Variants in FSD1L observed in about 807,000 individuals in gnomAD.
FSD1L encodes fibronectin type III and SPRY domain containing 1 like, also known as FSD1-like protein.
In FSD1L, 45 loss-of-function variants were observed where a neutral mutation model predicts 71.6. The observed-to-expected ratio is 0.63, with a 90% CI of 0.49 to 0.81. The LOEUF is 0.81. Ranked by LOEUF, FSD1L falls within the 30% of genes least tolerant of loss-of-function variation. The pLI, the probability that FSD1L is intolerant of heterozygous loss-of-function variation, is 0.00. For synonymous variants in FSD1L, 197 were observed against 207.2 expected, an observed-to-expected ratio of 0.95 and a Z score of 0.42; for missense variants, 561 against 618.1, an observed-to-expected ratio of 0.91 and a Z score of 0.98.
In FSD1L at chr9:105,481,141, CTGTGTGTGTG is replaced by C. The variant is rs376069658; in HGVS notation, c.464+1794_464+1803del. 1.0e-2 allele frequency among the ~76,000 whole-genome samples: 814 copies of C among 81,552 alleles called. 14 individuals carry two copies. The highest frequency in any genetic ancestry group is 0.036 in the African/African-American group (757 of 20,934). 53.5% of individuals were successfully genotyped at this position (81,552 alleles called of 152,430 possible). A position where few individuals can be genotyped will look rare whatever the true frequency, so the allele number is the denominator to read the frequency against. On this transcript the variant is annotated intron_variant, in intron 6 of 13. Transcript: ENST00000481272. ...TCAGGAATTAGGGTTCAGGCAAACTCTGTGTGTGTGTGTGTGTGTGTGTGTGTGTGTGTGT... is the reference window on the plus strand; with the variant it reads ...TCAGGAATTAGGGTTCAGGCAAACTCTGTGTGTGTGTGTGTGTGTGTGTGT...
At chr9:105,476,406 G>T (rs1260587786) in intron 5 of FSD1L, among the ~76,000 whole-genome samples, 3 of 152,118 alleles carry the variant, frequency 2.0e-5, no homozygotes, top group Non-Finnish European at 4.4e-5. Context: ...TCCTTAAGTA[G>T]AATTGTAATG....
rs531171466 is a variant in FSD1L at position 105,465,032 on chromosome 9, A to G, written c.207+701A>G. Among the ~76,000 whole-genome samples, 8 of 152,290 alleles carry G rather than the reference A, an allele frequency of 5.3e-5. No individual in the cohort carries two copies. The East Asian group carries it at 1.5e-3, about 29-fold the overall frequency. The stretch of plus-strand genomic sequence containing the variant: ...GGGGTCTACTTGTAGAAGTAGATGA[A>G]AGTAACATAAAAATAAAAGGTAAAG... On this transcript the variant is annotated intron_variant, in intron 3 of 13. Transcript: ENST00000481272.
At chr9:105,478,157 A>C in intron 5 of FSD1L, among the ~76,000 whole-genome samples, 1 of 152,198 alleles carries the variant, frequency 6.6e-6, no homozygotes, top group Non-Finnish European at 1.5e-5. Context: ...AGGCAGGAGA[A>C]TGGCATGAAC....
chr9:105,517,954 G>A (rs1834840243), intron 10 of FSD1L, among the ~76,000 whole-genome samples: 1 of 152,174 alleles, frequency 6.6e-6, no homozygotes, highest in South Asian at 2.1e-4. Context: ...CAAAATAAAG[G>A]GATGGAGGAA....
chr9:105,507,489 A>G lies in FSD1L; in HGVS notation c.796+881A>G, dbSNP rs534994506. ...ATACATCTCATTTATCTTTACAACA[A>G]TTATGAAGTTGGCTTTATTATTTCT... On this transcript the variant is annotated intron_variant, in intron 8 of 13. Transcript: ENST00000481272. 2.9e-4 allele frequency among the ~76,000 whole-genome samples: 44 copies of G among 152,318 alleles called. 1 individual carries two copies. The highest frequency in any genetic ancestry group is 9.1e-4 in the African/African-American group (38 of 41,582).
Position 105,506,390 on chromosome 9 carries a change from TC to T in FSD1L, c.587-8del. 6.5e-7 allele frequency: 1 copy of T among 1,540,174 alleles called. No individual in the cohort carries two copies. The highest frequency in any genetic ancestry group is 1.2e-5 in the South Asian group (1 of 82,540). On this transcript the variant is annotated splice_region_variant and splice_polypyrimidine_tract_variant and intron_variant, in intron 7 of 13. Coordinates refer to ENST00000481272, the MANE Select transcript of FSD1L (RefSeq NM_001145313.3). ...ATGAATGAGTCTTTTTTTTTTTTCTTCTTTGCAGTCCCCAAAGCTCCAGAGA... is the reference window on the plus strand; with the variant it reads ...ATGAATGAGTCTTTTTTTTTTTTCTTTTTGCAGTCCCCAAAGCTCCAGAGA...
At chr9:105,511,077 C>T (rs925409567) in intron 9 of FSD1L, among the ~76,000 whole-genome samples, 1 of 150,884 alleles carries the variant, frequency 6.6e-6, no homozygotes, top group Non-Finnish European at 1.5e-5. Flanking sequence ...GTAGTGTCCA[C>T]AAAGAAAGAG....
chr9:105,519,819 A>T (rs1014587907), intron 10 of FSD1L, among the ~76,000 whole-genome samples: 2 of 151,848 alleles, frequency 1.3e-5, no homozygotes, highest in Non-Finnish European at 2.9e-5. Context: ...TGTGGCGGCG[A>T]GCGGCGGCCG....
At chr9:105,521,071 G>A (rs1835119047) in intron 10 of FSD1L, 2 of 1,613,438 alleles carry the variant, frequency 1.2e-6, no homozygotes, top group East Asian at 2.2e-5. Context: ...CCGCAGATGA[G>A]ACCAAAGCCA....
chr9:105,491,893 C>T (rs1478665832), intron 7 of FSD1L, among the ~76,000 whole-genome samples: 6 of 152,198 alleles, frequency 3.9e-5, no homozygotes, highest in Admixed American at 6.5e-5. Flanking sequence ...CTGCTGGATT[C>T]GGTTTGCCAT....
At position 105,546,437 on chromosome 9, in the gene FSD1L, G is replaced by A; in HGVS notation, c.1547G>A (p.Gly516Glu). Residue 516 changes from glycine to glutamate, a missense_variant, in exon 14 of 14, where the codon GGA (glycine) becomes GAA (glutamate). This residue lies in a region of FSD1L where 98 missense variants were observed against 102.3 expected (regional missense o/e 0.96). Transcript: ENST00000481272. Reference sequence around the variant, plus strand: ...AGAACACTTCAGAAAAGTGAAAATGGAATGACTGGTTCAGCTAGCAGCCTG... The same window carrying A: ...AGAACACTTCAGAAAAGTGAAAATGAAATGACTGGTTCAGCTAGCAGCCTG... ...AVRTLQKSEN[G>E]MTGSASSLNN... 2.6e-6 allele frequency: 4 copies of A among 1,550,202 alleles called. No homozygotes were observed. Among genetic ancestry groups the A allele is most frequent in the Non-Finnish European group, 3.5e-6 (4 of 1,146,078 alleles).
intron 10 of FSD1L, chr9:105,522,993 T>C (rs1342090766): frequency 9.7e-5 from 156 of 1,613,998 alleles, no homozygotes; most frequent in Non-Finnish European, 1.3e-4. Context: ...TTCGGATTCT[T>C]TCAGCGCTTT....
intron 7 of FSD1L, among the ~76,000 whole-genome samples, chr9:105,501,052 AC>A (rs1019867728): frequency 6.6e-6 from 1 of 152,222 alleles, no homozygotes; most frequent in Admixed American, 6.5e-5. Context: ...GAAGATATTG[AC>A]CAGTGCTTCT....
At chr9:105,461,694 T>C (rs979497905) in intron 2 of FSD1L, 79 bp downstream of exon 2, 25 of 819,376 alleles carry the variant, frequency 3.1e-5, no homozygotes, top group Non-Finnish European at 4.6e-5. Context: ...TCTTTGACTA[T>C]ACTCATTAAA....
intron 1 of FSD1L, among the ~76,000 whole-genome samples, chr9:105,455,232 A>G (rs1325986384): frequency 6.6e-6 from 1 of 152,154 alleles, no homozygotes; most frequent in Non-Finnish European, 1.5e-5. Flanking sequence ...GCCCACTGCC[A>G]CTGGACCTTT....
intron 10 of FSD1L, chr9:105,520,541 C>T: frequency 8.1e-7 from 1 of 1,229,066 alleles, no homozygotes; most frequent in South Asian, 1.2e-5. Context: ...CAACTTCTTC[C>T]AGAAAGAATT....
intron 10 of FSD1L, chr9:105,524,252 C>T: frequency 6.2e-7 from 1 of 1,612,292 alleles, no homozygotes; most frequent in Non-Finnish European, 8.5e-7. Context: ...AAACAGTAGC[C>T]CACGTAGCTT....
Position 105,548,977 on chromosome 9 carries a change from C to G in FSD1L, c.*2494C>G, listed in dbSNP as rs1239602628. On this transcript the variant is annotated 3_prime_UTR_variant, in exon 14 of 14. Transcript: ENST00000481272. ...TAATCAAATATAGTGCCTATTTAGT[C>G]TCAAAATAAGGTAACTATTAACTTG... is the stretch of plus-strand genomic sequence containing the variant. 1 of 151,974 alleles carries G rather than the reference C, an allele frequency of 6.6e-6. No homozygotes were observed. The highest frequency in any genetic ancestry group is 1.5e-5 in the Non-Finnish European group (1 of 67,926). 9.4% of individuals were successfully genotyped at this position (151,974 alleles called of 1,614,324 possible). A position where few individuals can be genotyped will look rare whatever the true frequency, so the allele number is the denominator to read the frequency against.
intron 7 of FSD1L, among the ~76,000 whole-genome samples, chr9:105,502,478 C>T (rs191785417): frequency 3.9e-5 from 6 of 152,234 alleles, no homozygotes; most frequent in African/African-American, 1.2e-4. Context: ...ATCCCCTTCT[C>T]AGTTTTCTCA....
Sources: gnomAD v4.1 joint callset for allele counts (sites outside exome capture counted in the v4.1 genomes callset) on GRCh38, gnomAD v4.1.1 for gene constraint, gnomAD v4.1.1 regional missense constraint, MANE v1.5 for transcripts, NCBI Gene and HGNC (gene_info 2026-07-23, HGNC 2026-07-21) for gene names.